Variants in MAML3 observed in about 807,000 individuals in gnomAD.
MAML3 encodes the protein mastermind-like protein 3.
MAML3 carries 27 observed loss-of-function variants against 101.9 expected under a neutral mutation model. That is an observed-to-expected ratio of 0.27 (90% CI 0.20 to 0.37). The LOEUF is 0.37. MAML3 is among the 10% of genes least tolerant of loss of function. The pLI is 1.00. For synonymous variants in MAML3, 501 were observed against 555.9 expected (o/e 0.90, Z 1.39); for missense variants, 1,316 against 1,444.9 (o/e 0.91, Z 1.45).
At chr4:139,818,557 C>G (rs981623328) in intron 2 of MAML3, among the ~76,000 whole-genome samples, 2 of 152,154 alleles carry the variant, frequency 1.3e-5, no homozygotes, top group Admixed American at 1.3e-4. Context: ...CTCCTAAGAG[C>G]TGATACATTT....
At chr4:140,008,174 G>A (rs1200702956) in intron 1 of MAML3, among the ~76,000 whole-genome samples, 4 of 152,048 alleles carry the variant, frequency 2.6e-5, no homozygotes, top group Non-Finnish European at 5.9e-5. Flanking sequence ...GTGAAACCCC[G>A]TCTCTACGAA....
intron 2 of MAML3, among the ~76,000 whole-genome samples, chr4:139,867,151 C>A (rs1731912823): frequency 6.6e-6 from 1 of 152,090 alleles, no homozygotes; most frequent in South Asian, 2.1e-4. Flanking sequence ...ACAATAAATC[C>A]TTTTACAAAG....
intron 2 of MAML3, among the ~76,000 whole-genome samples, chr4:139,828,560 T>C (rs1274667595): frequency 6.6e-6 from 1 of 152,172 alleles, no homozygotes; most frequent in African/African-American, 2.4e-5. Context: ...CTGAGCATCA[T>C]GGAGTTGAAA....
At chr4:139,822,560 C>G (rs1359112088) in intron 2 of MAML3, among the ~76,000 whole-genome samples, 1 of 152,184 alleles carries the variant, frequency 6.6e-6, no homozygotes, top group Non-Finnish European at 1.5e-5. Context: ...TGTTCTCATA[C>G]TTAAGAACAG....
At chr4:139,772,677 T>G (rs1366758837) in intron 2 of MAML3, among the ~76,000 whole-genome samples, 1 of 151,896 alleles carries the variant, frequency 6.6e-6, no homozygotes, top group Non-Finnish European at 1.5e-5. Flanking sequence ...CTCCATTAAC[T>G]TGTATTATAG....
At chr4:139,959,162 A>T (rs550724694) in intron 1 of MAML3, among the ~76,000 whole-genome samples, 29 of 152,196 alleles carry the variant, frequency 1.9e-4, no homozygotes, top group Non-Finnish European at 5.9e-5. Context: ...GAACTAAAGC[A>T]TTTTATTGAA....
chr4:139,939,764 CTT>C (rs1233151703), intron 1 of MAML3, among the ~76,000 whole-genome samples: 12 of 133,386 alleles, frequency 9.0e-5, no homozygotes, highest in Non-Finnish European at 8.1e-5. Flanking sequence ...CAGGCACTTG[CTT>C]TTTTTTTTTT....
At chr4:140,064,857 A>G (rs887655426) in intron 1 of MAML3, among the ~76,000 whole-genome samples, 7 of 152,148 alleles carry the variant, frequency 4.6e-5, no homozygotes, top group African/African-American at 1.7e-4. Flanking sequence ...GAGACTTATA[A>G]GTTTTGTTTC....
chr4:139,929,197 G>A (rs747776905), intron 1 of MAML3, among the ~76,000 whole-genome samples: 5 of 152,136 alleles, frequency 3.3e-5, no homozygotes, highest in South Asian at 2.1e-4. Flanking sequence ...CAAAAAAGGA[G>A]GGAAAAATTA....
At chr4:139,883,601 C>T (rs779133466) in intron 2 of MAML3, among the ~76,000 whole-genome samples, 1 of 152,064 alleles carries the variant, frequency 6.6e-6, no homozygotes, top group Non-Finnish European at 1.5e-5. Context: ...TAAGTAGCTG[C>T]ACCCCCCATC....
intron 2 of MAML3, among the ~76,000 whole-genome samples, chr4:139,870,845 A>G (rs1334661106): frequency 6.6e-6 from 1 of 152,240 alleles, no homozygotes; most frequent in Non-Finnish European, 1.5e-5. Context: ...ATTTCTCACT[A>G]TGAAGAAACT....
chr4:139,793,313 T>G (rs1027603526), intron 2 of MAML3, among the ~76,000 whole-genome samples: 1 of 152,210 alleles, frequency 6.6e-6, no homozygotes, highest in African/African-American at 2.4e-5. Flanking sequence ...GGACATTTAT[T>G]AATGCTAGTA....
At chr4:139,787,664 T>G (rs1268430518) in intron 2 of MAML3, among the ~76,000 whole-genome samples, 1 of 152,262 alleles carries the variant, frequency 6.6e-6, no homozygotes, top group South Asian at 2.1e-4. Context: ...ATTGGCTTTT[T>G]AAATTGCTGC....
intron 2 of MAML3, among the ~76,000 whole-genome samples, chr4:139,773,367 G>A (rs7664679): frequency 3.9e-5 from 6 of 152,054 alleles, no homozygotes; most frequent in African/African-American, 1.2e-4. Flanking sequence ...TAAATCTCTC[G>A]CAATGCTTCA....
intron 1 of MAML3, among the ~76,000 whole-genome samples, chr4:140,034,041 A>G (rs1726946787): frequency 6.6e-6 from 1 of 152,220 alleles, no homozygotes; most frequent in Non-Finnish European, 1.5e-5. Flanking sequence ...ACCAATAATA[A>G]TAACAACAAC....
chr4:140,073,781 C>G (rs1727705301), intron 1 of MAML3, among the ~76,000 whole-genome samples: 1 of 152,094 alleles, frequency 6.6e-6, no homozygotes, highest in African/African-American at 2.4e-5. Context: ...TAATGAGAAA[C>G]TGGGGTCACC....
intron 1 of MAML3, among the ~76,000 whole-genome samples, chr4:140,046,744 C>T (rs531884193): frequency 1.3e-5 from 2 of 151,674 alleles, no homozygotes; most frequent in Non-Finnish European, 2.9e-5. Context: ...TCCGGTTTCA[C>T]ATTTTCTACA....
intron 1 of MAML3, among the ~76,000 whole-genome samples, chr4:140,018,908 A>T (rs1284425969): frequency 6.6e-6 from 1 of 151,316 alleles, no homozygotes; most frequent in Non-Finnish European, 1.5e-5. Flanking sequence ...AACTAGAAAT[A>T]AAAAAGACAA....
intron 1 of MAML3, among the ~76,000 whole-genome samples, chr4:140,097,634 A>G (rs892531227): frequency 1.7e-5 from 1 of 59,536 alleles, no homozygotes; most frequent in African/African-American, 5.6e-5. Context: ...GAGTGGCCAG[A>G]AAAAAAAAAA....
Sources: allele counts gnomAD v4.1 joint callset (sites outside exome capture counted in the v4.1 genomes callset), GRCh38; gene constraint gnomAD v4.1.1; transcripts MANE v1.5; gene names NCBI Gene and HGNC (gene_info 2026-07-23, HGNC 2026-07-21).